The following COX7B2 variants were observed in gnomAD, a reference collection of about 807,000 sequenced individuals.
COX7B2 encodes the protein cytochrome c oxidase subunit 7B2, also known as cytochrome c oxidase subunit 7B2, mitochondrial.
For synonymous variants in COX7B2, 37 were observed against 32.1 expected (o/e 1.15, Z -0.51); for missense variants, 109 against 95.9 (o/e 1.14, Z -0.57).
intron 2 of COX7B2, among the ~76,000 whole-genome samples, chr4:46,743,847 A>G (rs1714857089): frequency 1.3e-5 from 2 of 152,170 alleles, no homozygotes; most frequent in South Asian, 4.1e-4. Flanking sequence ...CTGTGTTCTC[A>G]ATATTGTTAC....
chr4:46,859,279 T>G (rs1717200921), intron 1 of COX7B2, among the ~76,000 whole-genome samples: 1 of 152,150 alleles, frequency 6.6e-6, no homozygotes, highest in Non-Finnish European at 1.5e-5. Flanking sequence ...TACAGCTTCT[T>G]CCAAACATTT....
At chr4:46,856,327 A>T (rs2109790181) in intron 1 of COX7B2, among the ~76,000 whole-genome samples, 1 of 152,296 alleles carries the variant, frequency 6.6e-6, no homozygotes, top group South Asian at 2.1e-4. Context: ...AGAGGGTGTG[A>T]CTATGGGACC....
At chr4:46,804,788 G>GAAATAAATGAAGA (rs1718900687) in intron 2 of COX7B2, among the ~76,000 whole-genome samples, 1 of 152,246 alleles carries the variant, frequency 6.6e-6, no homozygotes, top group Admixed American at 6.5e-5. Flanking sequence ...CCCTACCGGG[G>GAAATAAATGAAGA]CCGCAGGTGG....
intron 2 of COX7B2, among the ~76,000 whole-genome samples, chr4:46,831,829 G>T (rs933513363): frequency 1.3e-5 from 2 of 151,918 alleles, no homozygotes; most frequent in Non-Finnish European, 2.9e-5. Context: ...GTGTCTAGCT[G>T]ATCTGGTGAG....
intron 2 of COX7B2, among the ~76,000 whole-genome samples, chr4:46,828,939 A>G (rs1714877064): frequency 6.6e-6 from 1 of 152,204 alleles, no homozygotes; most frequent in Admixed American, 6.5e-5. Context: ...AAATAAAAAA[A>G]TGTATTTCTC....
chr4:46,851,954 T>C (rs983613718), intron 1 of COX7B2, among the ~76,000 whole-genome samples: 1 of 152,118 alleles, frequency 6.6e-6, no homozygotes, highest in Non-Finnish European at 1.5e-5. Context: ...AGATTTCTTT[T>C]TGTAGTTGGT....
intron 2 of COX7B2, among the ~76,000 whole-genome samples, chr4:46,785,521 C>T (rs556321510): frequency 2.1e-4 from 32 of 152,092 alleles, no homozygotes; most frequent in African/African-American, 3.9e-4. Context: ...TACAGGCACC[C>T]GCCACCACAC....
chr4:46,751,819 C>G (rs1448216071), intron 2 of COX7B2, among the ~76,000 whole-genome samples: 2 of 133,022 alleles, frequency 1.5e-5, no homozygotes, highest in Non-Finnish European at 3.3e-5. Flanking sequence ...TTACTGTAGC[C>G]TTGTAGTAGT....
rs1446572931 is a variant in COX7B2, at chr4:46,820,745, T to C, written c.-50+24215A>G. On this transcript the variant is annotated intron_variant, in intron 2 of 2. Transcript: ENST00000355591. ...CTGAGGCAGAAGAATCACTGGAACC[T>C]GGGAGGCAGAGGTTGCAGTGAGCTG... Among the ~76,000 whole-genome samples the C allele has an allele frequency of 2.7e-5, 4 of 148,642 alleles. No individual in the cohort carries two copies. In the Admixed American group the frequency reaches 2.7e-4, roughly 10 times the overall value.
At chr4:46,823,031 G>T (rs553002382) in intron 2 of COX7B2, among the ~76,000 whole-genome samples, 20 of 152,208 alleles carry the variant, frequency 1.3e-4, no homozygotes, top group African/African-American at 4.8e-4. Flanking sequence ...TCCTTAACAT[G>T]GAAATGTGCC....
chr4:46,850,814 G>A (rs1371683866), intron 1 of COX7B2, among the ~76,000 whole-genome samples: 2 of 151,984 alleles, frequency 1.3e-5, no homozygotes, highest in Admixed American at 1.3e-4. Flanking sequence ...ATCATTAGGT[G>A]GTCAGGCTTT....
chr4:46,838,662 T>G (rs761136257), intron 2 of COX7B2, among the ~76,000 whole-genome samples: 2 of 152,000 alleles, frequency 1.3e-5, no homozygotes, highest in Non-Finnish European at 2.9e-5. Flanking sequence ...TGGGTGGTGT[T>G]AAGGCACACT....
intron 2 of COX7B2, among the ~76,000 whole-genome samples, chr4:46,768,906 A>G (rs753647021): frequency 1.4e-4 from 22 of 152,074 alleles, no homozygotes; most frequent in Non-Finnish European, 5.9e-5. Flanking sequence ...AATACAAAGG[A>G]TCATAAGAGA....
In COX7B2 at chr4:46,863,498, G is replaced by A. The variant is rs112771079; in HGVS notation, c.-104-18484C>T. 5.0e-3 allele frequency among the ~76,000 whole-genome samples: 757 copies of A among 152,220 alleles called. 5 individuals carry two copies. Among genetic ancestry groups the A allele is most frequent in the African/African-American group, 0.017 (703 of 41,530 alleles). ...ATAATTGTCTTTCTAGAGAATAGTC[G>A]CCCATGTTAAAGCAAGATCTTCTTA... On this transcript the variant is annotated intron_variant, in intron 1 of 2. Transcript: ENST00000355591.
intron 1 of COX7B2, among the ~76,000 whole-genome samples, chr4:46,863,422 T>C (rs2109805820): frequency 6.6e-6 from 1 of 152,320 alleles, no homozygotes; most frequent in South Asian, 2.1e-4. Flanking sequence ...AGAAAATTCA[T>C]GAAGGAATTT....
chr4:46,871,213 G>C (rs1367122373), intron 1 of COX7B2, among the ~76,000 whole-genome samples: 2 of 152,086 alleles, frequency 1.3e-5, no homozygotes, highest in Admixed American at 1.3e-4. Context: ...TATGATCTTT[G>C]ACAAACCTGA....
At position 46,753,446 on chromosome 4, in the gene COX7B2, A is replaced by C. The variant is rs574520776; in HGVS notation, c.-49-18205T>G. 2.0e-3 allele frequency among the ~76,000 whole-genome samples: 304 copies of C among 152,090 alleles called. 2 individuals are homozygous for C. Among genetic ancestry groups the C allele is most frequent in the Admixed American group, 6.5e-3 (99 of 15,224 alleles). ...CATCTGATCTTTGACAAACCTGACA[A>C]AAACAAGAAATGGGGAAAGGATTCC... On this transcript the variant is annotated intron_variant, in intron 2 of 2. Coordinates refer to ENST00000355591, the MANE Select transcript of COX7B2 (RefSeq NM_130902.3).
intron 1 of COX7B2, among the ~76,000 whole-genome samples, chr4:46,869,782 T>C (rs2109820525): frequency 6.6e-6 from 1 of 152,252 alleles, no homozygotes; most frequent in Middle Eastern, 3.4e-3. Flanking sequence ...TGACCTGCCA[T>C]TTCTCTCTTT....
intron 1 of COX7B2, chr4:46,904,158 C>T (rs907160017): frequency 6.6e-5 from 10 of 152,020 alleles, no homozygotes; most frequent in African/African-American, 2.4e-4. Context: ...CCTTTAAAAT[C>T]TGGGGTGAAA....
Sources: allele counts gnomAD v4.1 joint callset (sites outside exome capture counted in the v4.1 genomes callset), GRCh38; gene constraint gnomAD v4.1.1; transcripts MANE v1.5; gene names NCBI Gene and HGNC (gene_info 2026-07-23, HGNC 2026-07-21).